Variants in ANO4 observed in about 807,000 individuals in gnomAD.
ANO4 encodes anoctamin-4.
ANO4 carries 69 observed loss-of-function variants against 141.9 expected under a neutral mutation model. The ratio of observed to expected loss-of-function variants is 0.49; its 90% CI spans 0.40 to 0.59. The LOEUF (loss-of-function observed/expected upper bound fraction) is 0.59. ANO4 is among the 20% of genes least tolerant of loss of function. The pLI, the probability that ANO4 is intolerant of heterozygous loss-of-function variation, is 0.00. For missense variants in ANO4, 894 were observed against 1,162.2 expected (o/e 0.77, Z 3.36); for synonymous variants, 350 against 394.3 (o/e 0.89, Z 1.33).
chr12:100,901,509 C>T, intron 1 of ANO4, 137 bp from the exon 2 acceptor site: 1 of 470,496 alleles, frequency 2.1e-6, no homozygotes. Flanking sequence ...CTAAGGATGT[C>T]TACTTTTGAG....
intron 2 of ANO4, among the ~76,000 whole-genome samples, chr12:100,913,211 C>A (rs1054627199): frequency 2.0e-5 from 3 of 152,066 alleles, no homozygotes; most frequent in Admixed American, 6.5e-5. Context: ...TCTGAAAAAT[C>A]ATTTTACAAC....
At chr12:100,786,884 T>G (rs1039040857) in intron 3 of ANO4, among the ~76,000 whole-genome samples, 3 of 152,202 alleles carry the variant, frequency 2.0e-5, no homozygotes, top group Non-Finnish European at 4.4e-5. Flanking sequence ...TTTTTTCTTT[T>G]TAGCCAATCA....
intron 8 of ANO4, among the ~76,000 whole-genome samples, chr12:100,998,235 G>A (rs1445756511): frequency 9.9e-5 from 15 of 152,148 alleles, no homozygotes; most frequent in African/African-American, 2.7e-4. Context: ...TCTCCCTCCC[G>A]TGCTGGATGC....
At chr12:100,725,447 C>T (rs1186979097) in intron 1 of ANO4, among the ~76,000 whole-genome samples, 10 of 150,556 alleles carry the variant, frequency 6.6e-5, no homozygotes, top group East Asian at 6.0e-4. Context: ...TCCGGGTTCA[C>T]GCCATTCTCC....
intron 11 of ANO4, among the ~76,000 whole-genome samples, chr12:101,040,890 G>T (rs1309841772): frequency 3.3e-5 from 5 of 152,058 alleles, no homozygotes; most frequent in East Asian, 1.9e-4. Flanking sequence ...TGCCGAGAAT[G>T]ATGGTTTCCA....
intron 1 of ANO4, among the ~76,000 whole-genome samples, chr12:100,844,661 T>G (rs987607350): frequency 7.9e-5 from 12 of 151,972 alleles, no homozygotes; most frequent in African/African-American, 1.9e-4. Context: ...TTGTTGAAAT[T>G]AGAAAGGTAG....
At chr12:100,957,868 C>T (rs576469592) in intron 5 of ANO4, among the ~76,000 whole-genome samples, 58 of 152,328 alleles carry the variant, frequency 3.8e-4, no homozygotes, top group African/African-American at 1.3e-3. Flanking sequence ...ACTAAGACAT[C>T]ATTTTTATAT....
chr12:100,900,346 C>T (rs1049053702), intron 1 of ANO4, among the ~76,000 whole-genome samples: 14 of 151,944 alleles, frequency 9.2e-5, no homozygotes, highest in African/African-American at 3.1e-4. Context: ...GGTACATGTG[C>T]ACAACGTGCA....
At chr12:100,830,454 G>A (rs1798331105) in intron 1 of ANO4, among the ~76,000 whole-genome samples, 1 of 152,046 alleles carries the variant, frequency 6.6e-6, no homozygotes, top group Non-Finnish European at 1.5e-5. Flanking sequence ...TTCTACTTGA[G>A]TGTTCCAGTG....
chr12:101,106,462 A>C (rs1218821906), intron 22 of ANO4, among the ~76,000 whole-genome samples: 3 of 151,738 alleles, frequency 2.0e-5, no homozygotes, highest in African/African-American at 7.3e-5. Flanking sequence ...TGAACAGGGC[A>C]AAAAAATTGT....
At chr12:101,079,328 A>G in intron 15 of ANO4, 53 bp downstream of exon 15, 1 of 1,428,060 alleles carries the variant, frequency 7.0e-7, no homozygotes. Context: ...CCAGAACCAC[A>G]CGACCCCCCC....
At chr12:100,912,676 G>A (rs923347597) in intron 2 of ANO4, among the ~76,000 whole-genome samples, 4 of 152,226 alleles carry the variant, frequency 2.6e-5, no homozygotes, top group Non-Finnish European at 4.4e-5. Context: ...TTATTGAGAA[G>A]TGTGGCTGAG....
chr12:101,096,359 C>A (rs2049981459), intron 18 of ANO4, among the ~76,000 whole-genome samples, 177 bp from the exon 19 acceptor site: 1 of 152,100 alleles, frequency 6.6e-6, no homozygotes, highest in African/African-American at 2.4e-5. Context: ...GGTCTGTGAG[C>A]TTGAGGATCC....
intron 4 of ANO4, among the ~76,000 whole-genome samples, chr12:100,940,825 A>G (rs1335109490): frequency 6.6e-6 from 1 of 152,194 alleles, no homozygotes; most frequent in African/African-American, 2.4e-5. Context: ...GCTCCAGCCC[A>G]GTGAGCCCAT....
intron 2 of ANO4, among the ~76,000 whole-genome samples, chr12:100,912,744 A>C (rs2041170234): frequency 6.6e-6 from 1 of 152,196 alleles, no homozygotes; most frequent in Non-Finnish European, 1.5e-5. Flanking sequence ...TGAAGCGTGG[A>C]TGAGATAATC....
At chr12:100,976,674 T>C (rs531064464) in intron 7 of ANO4, among the ~76,000 whole-genome samples, 8 of 152,328 alleles carry the variant, frequency 5.3e-5, no homozygotes, top group African/African-American at 1.9e-4. Flanking sequence ...CACGGGACGA[T>C]GTTTTGGAAA....
At chr12:100,869,649 C>G (rs2038936895) in intron 1 of ANO4, among the ~76,000 whole-genome samples, 1 of 152,196 alleles carries the variant, frequency 6.6e-6, no homozygotes, top group African/African-American at 2.4e-5. Flanking sequence ...TGCCGTGGGA[C>G]TCTGGAAAAT....
chr12:101,051,195 T>G (rs1319029362), intron 14 of ANO4, among the ~76,000 whole-genome samples: 4 of 152,152 alleles, frequency 2.6e-5, no homozygotes, highest in Non-Finnish European at 4.4e-5. Flanking sequence ...CAAATAGGTT[T>G]TGTTTTATCC....
intron 5 of ANO4, among the ~76,000 whole-genome samples, chr12:100,967,618 A>G (rs1383325768): frequency 6.6e-6 from 1 of 151,810 alleles, no homozygotes; most frequent in Non-Finnish European, 1.5e-5. Context: ...GAGGACTCAT[A>G]GATATTCATC....
Sources: gnomAD v4.1 joint callset for allele counts (sites outside exome capture counted in the v4.1 genomes callset) on GRCh38, gnomAD v4.1.1 for gene constraint, MANE v1.5 for transcripts, NCBI Gene and HGNC (gene_info 2026-07-23, HGNC 2026-07-21) for gene names.